The following CASK variants were observed in gnomAD, a reference collection of about 807,000 sequenced individuals.
CASK encodes peripheral plasma membrane protein CASK.
In CASK, 4 loss-of-function variants were observed where a neutral mutation model predicts 82.9. The ratio of observed to expected loss-of-function variants is 0.05; its 90% CI spans 0.02 to 0.11. The LOEUF is 0.11. Ranked by LOEUF, CASK falls within the 10% of genes least tolerant of loss-of-function variation. The pLI, the probability that CASK is intolerant of heterozygous loss-of-function variation, is 1.00. For missense variants in CASK, 358 were observed against 720.9 expected (o/e 0.50, Z 5.76); for synonymous variants, 259 against 253.5 (o/e 1.02, Z -0.20).
chrX:41,867,987 T>A (rs1245532647), intron 1 of CASK, among the ~76,000 whole-genome samples: 1 of 112,219 alleles, frequency 8.9e-6, no homozygotes, highest in Non-Finnish European at 1.9e-5. Flanking sequence ...ATCCACATGA[T>A]CACCTTTTTG....
chrX:41,669,799 C>A (rs1428458280), intron 6 of CASK, among the ~76,000 whole-genome samples: 1 of 111,752 alleles, frequency 8.9e-6, no homozygotes, highest in Non-Finnish European at 1.9e-5. Flanking sequence ...ATCGGCTGTA[C>A]TGTACTACCT....
intron 5 of CASK, among the ~76,000 whole-genome samples, chrX:41,681,938 C>A (rs1248598501): frequency 2.9e-5 from 3 of 104,808 alleles, no homozygotes; most frequent in Non-Finnish European, 5.8e-5. Flanking sequence ...AAGAGCGAGA[C>A]TCCATCTTAA....
chrX:41,645,475 C>T (rs188914621), intron 8 of CASK, among the ~76,000 whole-genome samples: 22 of 110,998 alleles, frequency 2.0e-4, no homozygotes, highest in African/African-American at 6.9e-4. Context: ...AAGTACCCAC[C>T]AGAAGACTCA....
intron 11 of CASK, among the ~76,000 whole-genome samples, chrX:41,621,239 G>A (rs947111391): frequency 5.4e-5 from 6 of 111,562 alleles, no homozygotes; most frequent in African/African-American, 2.0e-4. Context: ...CTGGTCTCCT[G>A]GTATTTCCAG....
At chrX:41,596,194 CA>C (rs146680841) in intron 12 of CASK, among the ~76,000 whole-genome samples, 213 of 61,545 alleles carry the variant, frequency 3.5e-3, no homozygotes, top group African/African-American at 8.1e-3. Flanking sequence ...GACTCTGTCT[CA>C]AAAAAAAAAA....
At chrX:41,906,411 A>G (rs1038233052) in intron 1 of CASK, among the ~76,000 whole-genome samples, 6 of 112,623 alleles carry the variant, frequency 5.3e-5, no homozygotes, top group Non-Finnish European at 1.9e-5. Context: ...ATACTGCAGC[A>G]TAAGTACCCT....
chrX:41,695,460 C>T (rs1000910282), intron 5 of CASK: 3 of 427,575 alleles, frequency 7.0e-6, no homozygotes, highest in African/African-American at 5.1e-5. Flanking sequence ...GGACCATAGG[C>T]GTGTGCTGGG....
chrX:41,733,175 C>CA (rs200021916), intron 5 of CASK, among the ~76,000 whole-genome samples: 665 of 53,339 alleles, frequency 0.012, 13 homozygotes, highest in African/African-American at 0.045. Context: ...GATTCCATCT[C>CA]AAAAAAAAAA....
intron 11 of CASK, among the ~76,000 whole-genome samples, chrX:41,618,849 CAG>C (rs2066242255): frequency 1.1e-5 from 1 of 89,353 alleles, no homozygotes; most frequent in African/African-American, 4.3e-5. Flanking sequence ...TTTTTTGAGA[CAG>C]AGTCTCACTC....
At chrX:41,542,418 GA>G (rs756329252) in intron 22 of CASK, among the ~76,000 whole-genome samples, 1 of 113,115 alleles carries the variant, frequency 8.8e-6, no homozygotes, top group Admixed American at 9.3e-5. Flanking sequence ...TTTCTCAGGG[GA>G]GGACTTAACG....
intron 5 of CASK, among the ~76,000 whole-genome samples, chrX:41,702,429 A>G (rs1467856834): frequency 9.1e-6 from 1 of 110,048 alleles, no homozygotes; most frequent in Non-Finnish European, 1.9e-5. Flanking sequence ...ATAAAAAAAC[A>G]TAAATTGCCA....
intron 5 of CASK, among the ~76,000 whole-genome samples, chrX:41,715,260 T>C (rs2068040393): frequency 8.9e-6 from 1 of 112,029 alleles, no homozygotes; most frequent in Admixed American, 9.4e-5. Context: ...GATGCCCATA[T>C]GGAGAATGGC....
chrX:41,736,331 C>CA (rs1202295752), intron 5 of CASK, among the ~76,000 whole-genome samples: 1 of 110,823 alleles, frequency 9.0e-6, no homozygotes. Context: ...CTCGTCTCTA[C>CA]AAAAAACTAC....
intron 5 of CASK, chrX:41,676,575 G>A (rs1303594494): frequency 3.3e-5 from 26 of 790,635 alleles, no homozygotes; most frequent in Admixed American, 1.3e-4. Context: ...CCGCTGGGCC[G>A]GGCCTGGGCT....
At chrX:41,526,118 C>T (rs1216107495) in intron 25 of CASK, among the ~76,000 whole-genome samples, 1 of 112,097 alleles carries the variant, frequency 8.9e-6, no homozygotes, top group African/African-American at 3.2e-5. Flanking sequence ...CAGGGATCTT[C>T]ACTTAGAAAT....
intron 1 of CASK, among the ~76,000 whole-genome samples, chrX:41,857,296 T>C (rs1219167088): frequency 1.8e-5 from 2 of 110,974 alleles, no homozygotes; most frequent in African/African-American, 6.6e-5. Context: ...CCCCTGCAGC[T>C]TTAACCACCA....
intron 2 of CASK, among the ~76,000 whole-genome samples, chrX:41,812,608 T>A (rs1353745977): frequency 9.0e-6 from 1 of 111,290 alleles, no homozygotes; most frequent in African/African-American, 3.3e-5. Flanking sequence ...ATAAGAGCTA[T>A]CTATGACAAA....
At chrX:41,556,220 C>T (rs957735184) in intron 19 of CASK, 10 of 112,167 alleles carry the variant, frequency 8.9e-5, no homozygotes, top group African/African-American at 2.9e-4. Context: ...TCTCAAAGGG[C>T]AAATTAAAAG....
intron 5 of CASK, chrX:41,689,811 A>G (rs1304994837): frequency 8.9e-6 from 1 of 112,024 alleles, no homozygotes; most frequent in Non-Finnish European, 1.9e-5. Context: ...AAAAACGGTG[A>G]AAGGTTGCGA....
Sources: allele counts gnomAD v4.1 joint callset (sites outside exome capture counted in the v4.1 genomes callset), GRCh38; gene constraint gnomAD v4.1.1; transcripts MANE v1.5; gene names NCBI Gene and HGNC (gene_info 2026-07-23, HGNC 2026-07-21).